The following ADCY2 variants were observed in gnomAD, a reference collection of about 807,000 sequenced individuals.
ADCY2 encodes the protein adenylate cyclase 2.
A neutral mutation model predicts 125.2 loss-of-function variants in ADCY2; 31 were observed. The observed-to-expected ratio is 0.25, with a 90% CI of 0.19 to 0.33. The LOEUF (loss-of-function observed/expected upper bound fraction) is 0.33, where lower values mean the gene tolerates loss of function less well. Ranked by LOEUF, ADCY2 falls within the 10% of genes least tolerant of loss-of-function variation. The probability of loss-of-function intolerance (pLI) is 1.00; values close to 1 mark genes in which losing one functional copy is unlikely to be tolerated. For synonymous variants in ADCY2, 512 were observed against 548.4 expected (o/e 0.93, Z 0.93); for missense variants, 904 against 1,418.2 (o/e 0.64, Z 5.82).
At chr5:7,630,370 G>T (rs371434908) in intron 4 of ADCY2, among the ~76,000 whole-genome samples, 1 of 152,238 alleles carries the variant, frequency 6.6e-6, no homozygotes, top group East Asian at 1.9e-4. Flanking sequence ...AAGAGTTTTT[G>T]AAGTTTTTCT....
At chr5:7,696,171 G>A (rs1159068592) in intron 6 of ADCY2, among the ~76,000 whole-genome samples, 1 of 152,122 alleles carries the variant, frequency 6.6e-6, no homozygotes, top group Non-Finnish European at 1.5e-5. Flanking sequence ...CTCTCTGCAT[G>A]GTATTATTTT....
chr5:7,620,793 A>G (rs1261315629), intron 3 of ADCY2, among the ~76,000 whole-genome samples: 5 of 151,866 alleles, frequency 3.3e-5, no homozygotes, highest in African/African-American at 1.2e-4. Context: ...CCTTTGACTT[A>G]TAATTGGTGT....
intron 2 of ADCY2, among the ~76,000 whole-genome samples, chr5:7,490,685 A>G (rs976594161): frequency 9.9e-5 from 15 of 152,120 alleles, no homozygotes; most frequent in Admixed American, 9.8e-4. Context: ...ATGCATGCAC[A>G]CACACACAGG....
intron 4 of ADCY2, among the ~76,000 whole-genome samples, chr5:7,678,926 T>C (rs1258128921): frequency 6.6e-6 from 1 of 152,242 alleles, no homozygotes; most frequent in Non-Finnish European, 1.5e-5. Flanking sequence ...GGTCACACAA[T>C]CATGCATTCA....
At chr5:7,479,761 C>G (rs1742660492) in intron 2 of ADCY2, among the ~76,000 whole-genome samples, 1 of 152,084 alleles carries the variant, frequency 6.6e-6, no homozygotes, top group South Asian at 2.1e-4. Context: ...CCCTTCCCAG[C>G]CTCTGGTGGT....
intron 2 of ADCY2, among the ~76,000 whole-genome samples, chr5:7,433,912 T>C (rs977104891): frequency 1.3e-5 from 2 of 152,210 alleles, no homozygotes; most frequent in Non-Finnish European, 2.9e-5. Context: ...TTCTGTCATG[T>C]CATGTCTTCA....
intron 3 of ADCY2, among the ~76,000 whole-genome samples, chr5:7,587,517 G>A (rs1239423126): frequency 6.6e-6 from 1 of 152,180 alleles, no homozygotes; most frequent in African/African-American, 2.4e-5. Context: ...TCAACGACCA[G>A]CCTCCCCCAG....
chr5:7,528,894 A>T (rs1734555812), intron 3 of ADCY2, among the ~76,000 whole-genome samples: 1 of 152,232 alleles, frequency 6.6e-6, no homozygotes, highest in South Asian at 2.1e-4. Flanking sequence ...AACCACCAGT[A>T]ATCAATCTTT....
intron 3 of ADCY2, among the ~76,000 whole-genome samples, chr5:7,580,432 TC>T (rs1736392767): frequency 1.3e-5 from 2 of 152,122 alleles, no homozygotes; most frequent in Non-Finnish European, 2.9e-5. Flanking sequence ...GAACTGGAAA[TC>T]TAAATTTGCA....
chr5:7,799,424 A>C (rs1192324001), intron 20 of ADCY2: 2 of 152,298 alleles, frequency 1.3e-5, no homozygotes, highest in African/African-American at 4.8e-5. Flanking sequence ...CTGGTTTCCC[A>C]GTAGTTATAG....
chr5:7,593,411 C>T (rs1350030843), intron 3 of ADCY2, among the ~76,000 whole-genome samples: 5 of 152,288 alleles, frequency 3.3e-5, no homozygotes, highest in East Asian at 3.9e-4. Flanking sequence ...TGGCCAAGGC[C>T]GTTCGCATGC....
rs573846891 is a variant in ADCY2 at position 7,706,782 on chromosome 5, G to C, written c.1148G>C (p.Arg383Pro). The change falls in exon 8 of 25, where the codon CGC becomes CCC. Residue 383 changes from arginine (R) to proline (P), a missense_variant. This residue lies in a region of ADCY2 where 117 missense variants were observed against 248.0 expected (regional missense o/e 0.47). Transcript: ENST00000338316. ...RDATGVDINM[R>P]VGVHSGNVLC... ...GCTACTGGAGTTGATATCAACATGC[G>C]CGTGGGCGTGCATTCTGGGAATGTC... is the stretch of plus-strand genomic sequence containing the variant. The C allele has an allele frequency of 6.2e-7, 1 of 1,614,176 alleles. No individual in the cohort carries two copies. Among genetic ancestry groups the C allele is most frequent in the East Asian group, 2.2e-5 (1 of 44,876 alleles).
intron 17 of ADCY2, among the ~76,000 whole-genome samples, chr5:7,769,405 TTG>T (rs1163092095): frequency 1.3e-5 from 2 of 152,148 alleles, no homozygotes; most frequent in African/African-American, 4.8e-5. Flanking sequence ...TTGAAAAGTA[TTG>T]TTTTAAAAAA....
chr5:7,482,216 G>C (rs1298293021), intron 2 of ADCY2, among the ~76,000 whole-genome samples: 1 of 152,048 alleles, frequency 6.6e-6, no homozygotes, highest in Non-Finnish European at 1.5e-5. Context: ...TTGTTCACTT[G>C]TATGTATCCT....
chr5:7,786,321 A>G (rs1200229815), intron 19 of ADCY2, among the ~76,000 whole-genome samples: 1 of 152,190 alleles, frequency 6.6e-6, no homozygotes, highest in Non-Finnish European at 1.5e-5. Context: ...CCCCGAAAGG[A>G]GGGGAGGTAT....
chr5:7,407,109 G>T (rs1447950333), intron 1 of ADCY2, among the ~76,000 whole-genome samples: 1 of 152,172 alleles, frequency 6.6e-6, no homozygotes, highest in Non-Finnish European at 1.5e-5. Flanking sequence ...GGTGGACGTC[G>T]CAGATTGCAT....
chr5:7,491,525 G>A (rs1322032841), intron 2 of ADCY2, among the ~76,000 whole-genome samples: 2 of 152,056 alleles, frequency 1.3e-5, no homozygotes, highest in Non-Finnish European at 2.9e-5. Flanking sequence ...TCTCATAAGG[G>A]AACAAGTTAA....
At chr5:7,624,736 G>A (rs73050141) in intron 3 of ADCY2, among the ~76,000 whole-genome samples, 5,759 of 152,214 alleles carry the variant, frequency 0.038, 373 homozygotes, top group African/African-American at 0.13. Flanking sequence ...TGCTCACCAC[G>A]TTGGATGATT....
chr5:7,709,319 G>A lies in ADCY2; in HGVS notation c.1510G>A (p.Ala504Thr). 2 of 1,613,576 alleles carry A rather than the reference G, an allele frequency of 1.2e-6. No homozygotes were observed. The highest frequency in any genetic ancestry group is 1.7e-5 in the Admixed American group (1 of 59,938). Residue 504 changes from alanine (A) to threonine (T), a missense_variant, in exon 10 of 25, where the codon GCC (alanine) becomes ACC (threonine). By Grantham distance (58) the Ala-to-Thr change is moderately conservative. Around this residue, in one of 7 missense-constraint regions of ADCY2, gnomAD observed 144 missense variants for 227.7 expected, o/e 0.63. Coordinates refer to ENST00000338316, the MANE Select transcript of ADCY2 (RefSeq NM_020546.3). The surrounding 1 kb of genome is among the most constrained non-coding windows in gnomAD (Gnocchi z 4.4). Reference sequence around the variant, plus strand: ...CCGGTACTTGGAGTCCTGGGGGGCAGCCAAGCCCTTTGCACACCTACATCA... The same window carrying A: ...CCGGTACTTGGAGTCCTGGGGGGCAACCAAGCCCTTTGCACACCTACATCA... ...MTRYLESWGAAKPFAHLHHRD... is the reference protein window; with the variant it reads ...MTRYLESWGATKPFAHLHHRD...
Sources: allele counts gnomAD v4.1 joint callset (sites outside exome capture counted in the v4.1 genomes callset), GRCh38; gene constraint gnomAD v4.1.1; regional missense constraint gnomAD v4.1.1; non-coding constraint Gnocchi (gnomAD v3.1); transcripts MANE v1.5; gene names NCBI Gene and HGNC (gene_info 2026-07-23, HGNC 2026-07-21).